The following TUBB8 variants were observed in gnomAD, a reference collection of about 807,000 sequenced individuals.
TUBB8 encodes the protein tubulin beta 8 class VIII, also known as tubulin beta-8 chain.
TUBB8 carries 25 observed loss-of-function variants against 33.7 expected under a neutral mutation model. The observed-to-expected ratio is 0.74, with a 90% CI of 0.54 to 1.04. The LOEUF is 1.04. Among genes scored for constraint, TUBB8 ranks in the 50% least tolerant of loss-of-function variants. The pLI is 0.00. For missense variants in TUBB8, 279 were observed against 608.0 expected, an observed-to-expected ratio of 0.46 and a Z score of 5.69; for synonymous variants, 245 against 240.1, an observed-to-expected ratio of 1.02 and a Z score of -0.19.
intron 1 of TUBB8, among the ~76,000 whole-genome samples, chr10:55,207 G>T (rs1230251472): frequency 2.0e-5 from 3 of 152,172 alleles, no homozygotes; most frequent in African/African-American, 7.2e-5. Context: ...AAGCAAAGGG[G>T]GAAGAGCCCC....
chr10:48,878 T>A lies in TUBB8; in HGVS notation c.92A>T (p.Asp31Val), dbSNP rs368410155. 6.4e-7 allele frequency: 1 copy of A among 1,568,604 alleles called. No individual in the cohort carries two copies. Among genetic ancestry groups the A allele is most frequent in the African/African-American group, 1.4e-5 (1 of 73,594 alleles). ...WEVISDEHAI[D>V]SAGTYHGDSH... ...GTCCCCGTGGTAGGTGCCAGCGGAGTCGATGGCATGTTCATCAGAGATCAC... is the reference window on the plus strand; with the variant it reads ...GTCCCCGTGGTAGGTGCCAGCGGAGACGATGGCATGTTCATCAGAGATCAC... The change falls in exon 2 of 4, where the codon GAC becomes GTC. Residue 31 changes from aspartate to valine, a missense_variant. Physicochemically the swap from Asp to Val is radical, Grantham distance 152 (BLOSUM62 -3). Coordinates refer to ENST00000568584, the MANE Select transcript of TUBB8 (RefSeq NM_177987.3).
intron 1 of TUBB8, among the ~76,000 whole-genome samples, chr10:66,130 T>C (rs1410762011): frequency 5.3e-5 from 8 of 152,188 alleles, no homozygotes; most frequent in African/African-American, 1.7e-4. Context: ...GGAAGTTCCA[T>C]CCACAACAAA....
chr10:64,975 T>TAAAAAAAAAA (rs61340461), intron 1 of TUBB8, among the ~76,000 whole-genome samples: 1 of 118,554 alleles, frequency 8.4e-6, no homozygotes, highest in Non-Finnish European at 1.8e-5. Context: ...CCATCTCCAC[T>TAAAAAAAAAA]AAAAAAAAAA....
upstream of TUBB8, among the ~76,000 whole-genome samples, chr10:53,107 GAAA>G (rs1834489060): frequency 1.3e-5 from 2 of 151,908 alleles, no homozygotes; most frequent in Non-Finnish European, 2.9e-5. Context: ...AATTTTGTTT[GAAA>G]CATGAGATTT....
chr10:60,850 G>C (rs1434817742), intron 1 of TUBB8, among the ~76,000 whole-genome samples: 5 of 151,886 alleles, frequency 3.3e-5, no homozygotes, highest in Non-Finnish European at 7.4e-5. Context: ...TGATAGACTG[G>C]ATTAAGAAAA....
chr10:57,920 C>T (rs1834553380), intron 1 of TUBB8, among the ~76,000 whole-genome samples: 1 of 152,074 alleles, frequency 6.6e-6, no homozygotes, highest in South Asian at 2.1e-4. Context: ...GACTAGGCTG[C>T]AAAGTTTTTA....
rs138296696 is a variant in TUBB8, at chr10:69,063, C to A, written c.-846+4906G>T. On this transcript the variant is annotated intron_variant, in intron 1 of 3. Transcript: ENST00000564130. ...CCAGAAAGAGCACAATCCCCCTGCCCGCAACTGGTGATCTCAACTGTAAAA... is the reference window on the plus strand; with the variant it reads ...CCAGAAAGAGCACAATCCCCCTGCCAGCAACTGGTGATCTCAACTGTAAAA... 7.0e-3 allele frequency among the ~76,000 whole-genome samples: 1,061 copies of A among 152,320 alleles called. 15 individuals carry two copies. Among genetic ancestry groups the A allele is most frequent in the African/African-American group, 0.023 (951 of 41,564 alleles).
At chr10:69,115 A>T (rs1554742006) in intron 1 of TUBB8, among the ~76,000 whole-genome samples, 1 of 152,194 alleles carries the variant, frequency 6.6e-6, no homozygotes, top group African/African-American at 2.4e-5. Context: ...TTCAAACCCA[A>T]GGTTCACAAT....
At chr10:68,573 T>C (rs782146093) in intron 1 of TUBB8, among the ~76,000 whole-genome samples, 5 of 152,244 alleles carry the variant, frequency 3.3e-5, no homozygotes, top group Non-Finnish European at 5.9e-5. Context: ...TCTGCTTTAC[T>C]GACATGGTAT....
intron 1 of TUBB8, among the ~76,000 whole-genome samples, chr10:57,368 G>T (rs1206531179): frequency 6.6e-6 from 1 of 152,226 alleles, no homozygotes; most frequent in Non-Finnish European, 1.5e-5. Flanking sequence ...CCCACATGGG[G>T]ACTGTAACTC....
intron 1 of TUBB8, among the ~76,000 whole-genome samples, chr10:66,302 A>T (rs1834669920): frequency 6.6e-6 from 1 of 152,392 alleles, no homozygotes; most frequent in South Asian, 2.1e-4. Context: ...AATACACAGT[A>T]ATCTGCTGTA....
chr10:75,727 T>A (rs1564215113), upstream of TUBB8, among the ~76,000 whole-genome samples: 1 of 152,070 alleles, frequency 6.6e-6, no homozygotes, highest in South Asian at 2.1e-4. Flanking sequence ...TATTTTCTTT[T>A]TACTCTTAAA....
At chr10:67,632 G>T (rs1554741776) in intron 1 of TUBB8, among the ~76,000 whole-genome samples, 1 of 152,184 alleles carries the variant, frequency 6.6e-6, no homozygotes, top group African/African-American at 2.4e-5. Context: ...CACCGTGTTA[G>T]CCAGGATGGT....
In TUBB8 at chr10:47,181, T is replaced by G. The variant is rs1554737988; in HGVS notation, c.1211A>C (p.Asp404Ala). 1 of 1,609,608 alleles carries G rather than the reference T, an allele frequency of 6.2e-7. No homozygotes were observed. Among genetic ancestry groups the G allele is most frequent in the South Asian group, 1.1e-5 (1 of 90,866 alleles). ...CTCGGCCTCGGTGAATTCCATCTCA[T>G]CCATGCCCTCGCCCGTGTACCAGTG... ...FLHWYTGEGM[D>A]EMEFTEAESN... is the part of the protein sequence containing the mutation. Residue 404 changes from aspartate (D) to alanine (A), a missense_variant, in exon 4 of 4, where the codon GAT (aspartate) becomes GCT (alanine). Physicochemically the swap from Asp to Ala is moderately radical, Grantham distance 126. This residue lies in a region of TUBB8 where 123 missense variants were observed against 228.9 expected (regional missense o/e 0.54). Transcript: ENST00000568584.
rs1165281643 is a variant in TUBB8 at position 48,470 on chromosome 10, G to A, written c.277+145C>T. On this transcript the variant is annotated intron_variant, in intron 3 of 3. Coordinates refer to ENST00000568584, the MANE Select transcript of TUBB8 (RefSeq NM_177987.3). The stretch of plus-strand genomic sequence containing the variant: ...TTCCTCCCGAAGCCCATTTAGGAGA[G>A]GCAGATTGAGCGACTCGACTCGGAG... The A allele has an allele frequency of 7.6e-6, 6 of 787,278 alleles. No individual in the cohort carries two copies. In the African/African-American group the frequency reaches 8.5e-5, roughly 11 times the overall value. 48.8% of individuals were successfully genotyped at this position (787,278 alleles called of 1,614,324 possible). A position where few individuals can be genotyped will look rare whatever the true frequency, so the allele number is the denominator to read the frequency against.
intron 1 of TUBB8, 100 bp downstream of exon 1, chr10:49,082 C>T (rs1286811098): frequency 4.3e-6 from 6 of 1,392,188 alleles, no homozygotes; most frequent in East Asian, 2.5e-5. Flanking sequence ...GGCAGGGAGC[C>T]CAGGGGCCGC....
chr10:48,034 C>T lies in TUBB8; in HGVS notation c.358G>A (p.Val120Ile). 3.7e-6 allele frequency: 6 copies of T among 1,613,976 alleles called. No individual in the cohort carries two copies. Among genetic ancestry groups the T allele is most frequent in the Non-Finnish European group, 5.1e-6 (6 of 1,179,970 alleles). The change falls in exon 4 of 4, where the codon GTC becomes ATC. Residue 120 changes from valine (V) to isoleucine (I), a missense_variant. This residue lies in a region of TUBB8 where 96 missense variants were observed against 233.7 expected (regional missense o/e 0.41). Transcript: ENST00000568584. Reference sequence around the variant, plus strand: ...TCACAGCTCTCAGCCTCCTTTCTGACAACGTCCATCACTGACTCCATCAGC... The same window carrying T: ...TCACAGCTCTCAGCCTCCTTTCTGATAACGTCCATCACTGACTCCATCAGC... ...AELMESVMDV[V>I]RKEAESCDCL... is the part of the protein sequence containing the mutation.
At chr10:61,032 C>A (rs1834595584) in intron 1 of TUBB8, among the ~76,000 whole-genome samples, 1 of 137,108 alleles carries the variant, frequency 7.3e-6, no homozygotes, top group South Asian at 2.3e-4. Flanking sequence ...ACAATGAGAT[C>A]ACATGGACCA....
intron 1 of TUBB8, among the ~76,000 whole-genome samples, chr10:61,819 A>C (rs530925116): frequency 6.6e-6 from 1 of 152,270 alleles, no homozygotes; most frequent in East Asian, 1.9e-4. Context: ...CCTCTTCAAG[A>C]ATTGATCTCT....
Sources: allele counts gnomAD v4.1 joint callset (sites outside exome capture counted in the v4.1 genomes callset), GRCh38; gene constraint gnomAD v4.1.1; regional missense constraint gnomAD v4.1.1; transcripts MANE v1.5; gene names NCBI Gene and HGNC (gene_info 2026-07-23, HGNC 2026-07-21).